LOC400499: variants seen among roughly 807,000 people sequenced by gnomAD.
chr16:11,413,295 G>A, the LOC400499 span, among the ~76,000 whole-genome samples: 3 of 152,204 alleles, frequency 2.0e-5, no homozygotes, highest in Non-Finnish European at 4.4e-5. Flanking sequence ...AGTCCACTCA[G>A]TTGTGGGGTA....
At chr16:11,446,437 T>C in the LOC400499 span, 15 of 950,672 alleles carry the variant, frequency 1.6e-5, no homozygotes, top group Non-Finnish European at 2.4e-5. Context: ...AGATTACAGG[T>C]GTGAGCCACT....
chr16:11,412,241 C>A, the LOC400499 span, among the ~76,000 whole-genome samples: 1 of 152,184 alleles, frequency 6.6e-6, no homozygotes, highest in South Asian at 2.1e-4. Context: ...TCAGCCTTGG[C>A]ACAGCTGACA....
the LOC400499 span, chr16:11,446,862 G>T: frequency 1.6e-5 from 24 of 1,536,066 alleles, no homozygotes; most frequent in East Asian, 4.9e-4. Context: ...CAGCTGTGAA[G>T]GTCTCCTGCA....
the LOC400499 span, among the ~76,000 whole-genome samples, chr16:11,416,883 G>A: frequency 1.3e-5 from 2 of 152,130 alleles, no homozygotes; most frequent in African/African-American, 4.8e-5. Flanking sequence ...TGGGAGATGA[G>A]GTCAGATGGG....
the LOC400499 span, chr16:11,456,795 A>T: frequency 6.6e-6 from 10 of 1,517,002 alleles, no homozygotes; most frequent in East Asian, 2.2e-4. Context: ...GCATAGCTTG[A>T]GCAAAGGCCT....
chr16:11,502,937 T>TTTTTTAA, the LOC400499 span, among the ~76,000 whole-genome samples: 4 of 146,244 alleles, frequency 2.7e-5, no homozygotes, highest in African/African-American at 1.0e-4. Context: ...TTTTTTTTTT[T>TTTTTTAA]AAGAGACAGG....
chr16:11,434,706 T>G, the LOC400499 span, among the ~76,000 whole-genome samples: 2 of 152,214 alleles, frequency 1.3e-5, no homozygotes, highest in South Asian at 4.1e-4. Flanking sequence ...GGCCCTGGCT[T>G]GGAATTCAAA....
the LOC400499 span, chr16:11,471,896 A>C: frequency 2.5e-6 from 1 of 398,818 alleles, no homozygotes; most frequent in Non-Finnish European, 4.4e-6. Flanking sequence ...CAGCTGCCAC[A>C]TCAGCAAAGA....
the LOC400499 span, chr16:11,485,167 A>G: frequency 1.3e-5 from 5 of 397,958 alleles, no homozygotes; most frequent in African/African-American, 1.0e-4. Context: ...AGGACCCAGA[A>G]GGCTTGAGCA....
At chr16:11,502,069 G>A in the LOC400499 span, 1 of 399,096 alleles carries the variant, frequency 2.5e-6, no homozygotes, top group Non-Finnish European at 4.4e-6. Context: ...CCCGGAGAGG[G>A]ACCTTACCCA....
the LOC400499 span, chr16:11,412,950 C>T: frequency 2.8e-4 from 111 of 399,192 alleles, no homozygotes; most frequent in Admixed American, 1.6e-3. Flanking sequence ...CCTTGGAACA[C>T]GAGCTGAGGA....
chr16:11,415,028 G>A, the LOC400499 span, among the ~76,000 whole-genome samples: 1 of 152,204 alleles, frequency 6.6e-6, no homozygotes, highest in Admixed American at 6.5e-5. Flanking sequence ...ACTGTGGGAT[G>A]AAAGGCTTCT....
At chr16:11,463,071 C>T in the LOC400499 span, among the ~76,000 whole-genome samples, 1 of 152,166 alleles carries the variant, frequency 6.6e-6, no homozygotes. Context: ...TTGTGAAGGC[C>T]AGCGAGGCCA....
chr16:11,457,362 G>T, the LOC400499 span, among the ~76,000 whole-genome samples: 1 of 152,140 alleles, frequency 6.6e-6, no homozygotes, highest in African/African-American at 2.4e-5. Flanking sequence ...GGGAGGCCGA[G>T]GCGGGTGGAT....
At chr16:11,478,424 G>A in the LOC400499 span, 2 of 398,078 alleles carry the variant, frequency 5.0e-6, no homozygotes, top group Non-Finnish European at 8.8e-6. Context: ...GTAAACGGAA[G>A]AGCTGGGATT....
chr16:11,385,129 C>A, the LOC400499 span: 1 of 1,231,130 alleles, frequency 8.1e-7, no homozygotes, highest in Non-Finnish European at 1.0e-6. Context: ...CTTGAAAGTG[C>A]CATCCCCCCA....
the LOC400499 span, among the ~76,000 whole-genome samples, chr16:11,521,062 A>T: frequency 6.6e-6 from 1 of 152,210 alleles, no homozygotes; most frequent in African/African-American, 2.4e-5. Flanking sequence ...TGAAGGGTGT[A>T]AAAGGATGAT....
the LOC400499 span, among the ~76,000 whole-genome samples, chr16:11,506,350 G>A: frequency 6.6e-6 from 1 of 152,152 alleles, no homozygotes; most frequent in Non-Finnish European, 1.5e-5. Context: ...AAACAGCAGT[G>A]TTTAACAACC....
At chr16:11,462,390 G>C in the LOC400499 span, 17 of 1,377,466 alleles carry the variant, frequency 1.2e-5, no homozygotes, top group South Asian at 2.9e-4. Context: ...GACAGGGCAG[G>C]AGACAACATC....
Sources: gnomAD v4.1 joint callset for allele counts (sites outside exome capture counted in the v4.1 genomes callset) on GRCh38, gnomAD v4.1.1 for gene constraint, MANE v1.5 for transcripts.